Variants in NDC1 observed in about 807,000 individuals in gnomAD.
NDC1 encodes the protein nucleoporin NDC1.
A neutral mutation model predicts 89.8 loss-of-function variants in NDC1; 24 were observed. The observed-to-expected ratio is 0.27, with a 90% CI of 0.19 to 0.38. The LOEUF is 0.38. NDC1 is among the 10% of genes least tolerant of loss of function. The probability of loss-of-function intolerance (pLI) is 1.00; values close to 1 mark genes in which losing one functional copy is unlikely to be tolerated. For synonymous variants in NDC1, 296 were observed against 284.8 expected, an observed-to-expected ratio of 1.04 and a Z score of -0.39; for missense variants, 728 against 797.6, an observed-to-expected ratio of 0.91 and a Z score of 1.05.
At chr1:53,782,760 A>G (rs1647223882) in intron 16 of NDC1, among the ~76,000 whole-genome samples, 1 of 152,356 alleles carries the variant, frequency 6.6e-6, no homozygotes, top group Middle Eastern at 3.4e-3. Flanking sequence ...TAGCATTAGT[A>G]GTTCCTGTGA....
chr1:53,823,179 C>G (rs1481471594), intron 5 of NDC1, among the ~76,000 whole-genome samples: 2 of 152,144 alleles, frequency 1.3e-5, no homozygotes, highest in African/African-American at 4.8e-5. Context: ...CCTCATTCCA[C>G]TGCCCTTCCA....
Position 53,814,012 on chromosome 1 carries a change from C to A in NDC1, c.704-4266G>T, listed in dbSNP as rs1055827684. On this transcript the variant is annotated intron_variant, in intron 6 of 17. Transcript: ENST00000371429. ...TGCAAATACATGGCAATTAAATAAT[C>A]TGCTCCTGAATGAGCACTGGGTCAA... Among the ~76,000 whole-genome samples, 4 of 152,174 alleles carry A rather than the reference C, an allele frequency of 2.6e-5. No homozygotes were observed. In the South Asian group the frequency reaches 8.3e-4, roughly 32 times the overall value.
At chr1:53,793,538 A>T (rs1455899203) in intron 13 of NDC1, among the ~76,000 whole-genome samples, 2 of 151,730 alleles carry the variant, frequency 1.3e-5, no homozygotes, top group South Asian at 4.2e-4. Context: ...GCCCTGACAT[A>T]AAAAAAAATT....
intron 6 of NDC1, among the ~76,000 whole-genome samples, chr1:53,814,411 G>C (rs1198641760): frequency 6.6e-6 from 1 of 151,998 alleles, no homozygotes; most frequent in Non-Finnish European, 1.5e-5. Flanking sequence ...TGACAATAAT[G>C]ACACAACCTA....
intron 13 of NDC1, among the ~76,000 whole-genome samples, chr1:53,793,745 A>G (rs988610849): frequency 9.2e-5 from 14 of 151,700 alleles, no homozygotes; most frequent in Non-Finnish European, 1.5e-4. Context: ...GCACACCACC[A>G]TGTCCGGTTA....
intron 3 of NDC1, among the ~76,000 whole-genome samples, chr1:53,831,659 G>A (rs1441961569): frequency 1.3e-5 from 2 of 150,996 alleles, no homozygotes; most frequent in Non-Finnish European, 2.9e-5. Flanking sequence ...GCGACAGAGC[G>A]AGACTCTGTC....
At chr1:53,825,196 C>A (rs1377335495) in intron 5 of NDC1, among the ~76,000 whole-genome samples, 5 of 151,610 alleles carry the variant, frequency 3.3e-5, no homozygotes, top group African/African-American at 1.2e-4. Flanking sequence ...AGAGCAGCGG[C>A]TGGGCGTGGT....
At chr1:53,835,310 T>A (rs1465211356) in intron 2 of NDC1, among the ~76,000 whole-genome samples, 190 bp downstream of exon 2, 1 of 152,244 alleles carries the variant, frequency 6.6e-6, no homozygotes, top group Admixed American at 6.5e-5. Context: ...ACAAGCTTAT[T>A]AATCTTATTA....
At chr1:53,804,814 CT>C (rs1335228620) in intron 9 of NDC1, among the ~76,000 whole-genome samples, 3 of 151,164 alleles carry the variant, frequency 2.0e-5, no homozygotes, top group Non-Finnish European at 2.9e-5. Flanking sequence ...AAATCTTCAT[CT>C]TTTCCCAGGC....
intron 6 of NDC1, among the ~76,000 whole-genome samples, chr1:53,813,542 T>C (rs886540650): frequency 6.6e-6 from 1 of 152,182 alleles, no homozygotes; most frequent in African/African-American, 2.4e-5. Flanking sequence ...AGAGGGACAT[T>C]ATATAATGTT....
At chr1:53,827,385 T>C (rs1359194129) in intron 4 of NDC1, among the ~76,000 whole-genome samples, 1 of 151,884 alleles carries the variant, frequency 6.6e-6, no homozygotes, top group Non-Finnish European at 1.5e-5. Context: ...CAAGGGATCC[T>C]CCTGCCTCAG....
intron 6 of NDC1, among the ~76,000 whole-genome samples, chr1:53,810,031 T>C (rs1266354109): frequency 6.6e-6 from 1 of 152,220 alleles, no homozygotes; most frequent in African/African-American, 2.4e-5. Context: ...ATATTAACTA[T>C]AAGCAACTGC....
chr1:53,830,953 G>A (rs1006961558), intron 3 of NDC1, among the ~76,000 whole-genome samples: 9 of 152,068 alleles, frequency 5.9e-5, no homozygotes, highest in Non-Finnish European at 1.3e-4. Flanking sequence ...CAAGCATGGT[G>A]GCTCATGCCT....
intron 16 of NDC1, among the ~76,000 whole-genome samples, chr1:53,782,510 G>C (rs1647220856): frequency 6.6e-6 from 1 of 152,176 alleles, no homozygotes; most frequent in African/African-American, 2.4e-5. Flanking sequence ...AGTCAGGAGG[G>C]AGCTGAAAGA....
At chr1:53,796,553 GTTTCA>G in intron 13 of NDC1, 131 bp downstream of exon 13, 2 of 536,426 alleles carry the variant, frequency 3.7e-6, no homozygotes, top group Non-Finnish European at 6.3e-6. Context: ...AATATTGGCT[GTTTCA>G]TTTGAGTCAA....
intron 14 of NDC1, 117 bp downstream of exon 14, chr1:53,793,112 G>C: frequency 2.3e-6 from 2 of 885,172 alleles, no homozygotes; most frequent in Non-Finnish European, 1.8e-6. Context: ...ATGCAAAGCT[G>C]CCTAGCTTGC....
At chr1:53,827,287 A>C (rs34774900) in intron 4 of NDC1, among the ~76,000 whole-genome samples, 1 of 150,900 alleles carries the variant, frequency 6.6e-6, no homozygotes, top group Non-Finnish European at 1.5e-5. Context: ...AAAAAAAAAA[A>C]CAAGGTCTCA....
intron 13 of NDC1, among the ~76,000 whole-genome samples, chr1:53,795,051 C>T (rs938276299): frequency 6.6e-6 from 1 of 152,160 alleles, no homozygotes; most frequent in Admixed American, 6.5e-5. Flanking sequence ...CTCCAGCCAA[C>T]AGCTCTTGTC....
chr1:53,835,413 T>A (rs914297375), intron 2 of NDC1, 87 bp downstream of exon 2: 1 of 1,080,880 alleles, frequency 9.3e-7, no homozygotes, highest in Non-Finnish European at 1.3e-6. Context: ...TAGGCAGTAA[T>A]TGAAAATAAA....
Sources: gnomAD v4.1 joint callset for allele counts (sites outside exome capture counted in the v4.1 genomes callset) on GRCh38, gnomAD v4.1.1 for gene constraint, MANE v1.5 for transcripts, NCBI Gene and HGNC (gene_info 2026-07-23, HGNC 2026-07-21) for gene names.